MAP3K20: variants seen among roughly 807,000 people sequenced by gnomAD.
MAP3K20 encodes mitogen-activated protein kinase kinase kinase 20.
In MAP3K20, 40 loss-of-function variants were observed where a neutral mutation model predicts 85.7. The ratio of observed to expected loss-of-function variants is 0.47; its 90% CI spans 0.36 to 0.61. MAP3K20 has a LOEUF of 0.61. Ranked by LOEUF, MAP3K20 falls within the 20% of genes least tolerant of loss-of-function variation. MAP3K20 has a pLI of 0.00. For synonymous variants in MAP3K20, 325 were observed against 327.7 expected (o/e 0.99, Z 0.09); for missense variants, 817 against 961.7 (o/e 0.85, Z 1.99).
chr2:173,102,987 AGGTTGCAGTGAGC>A (rs138310775), intron 2 of MAP3K20, among the ~76,000 whole-genome samples: 3,416 of 152,222 alleles, frequency 0.022, 59 homozygotes, highest in Middle Eastern at 0.037. Flanking sequence ...CAGGAATTAG[AGGTTGCAGTGAGC>A]CGAGATCGCA....
At chr2:173,157,901 C>T (rs980234109) in intron 2 of MAP3K20, among the ~76,000 whole-genome samples, 7 of 152,280 alleles carry the variant, frequency 4.6e-5, no homozygotes, top group African/African-American at 1.2e-4. Flanking sequence ...TTGTTTCTCA[C>T]GCTTCTGTGA....
chr2:173,105,529 A>G (rs193000672), intron 2 of MAP3K20, among the ~76,000 whole-genome samples: 2 of 152,366 alleles, frequency 1.3e-5, no homozygotes, highest in African/African-American at 4.8e-5. Flanking sequence ...GAAGCAACCT[A>G]AATGTCCATC....
At chr2:173,145,487 G>T (rs912359962) in intron 2 of MAP3K20, among the ~76,000 whole-genome samples, 2 of 152,130 alleles carry the variant, frequency 1.3e-5, no homozygotes, top group African/African-American at 4.8e-5. Flanking sequence ...CTCACAAAAA[G>T]TTATATGAAT....
At chr2:173,205,750 GAAT>G (rs1559278102) in intron 9 of MAP3K20, among the ~76,000 whole-genome samples, 1 of 152,002 alleles carries the variant, frequency 6.6e-6, no homozygotes, top group Non-Finnish European at 1.5e-5. Flanking sequence ...TTTTACTAAA[GAAT>G]AATCTTTTTA....
At chr2:173,235,623 G>A (rs529660165) in intron 14 of MAP3K20, among the ~76,000 whole-genome samples, 4 of 152,300 alleles carry the variant, frequency 2.6e-5, no homozygotes, top group Admixed American at 2.0e-4. Context: ...GCCCCCTTTG[G>A]GGGTGATGAA....
intron 16 of MAP3K20, among the ~76,000 whole-genome samples, chr2:173,241,671 A>G (rs889531341): frequency 1.3e-5 from 2 of 152,176 alleles, no homozygotes; most frequent in Non-Finnish European, 2.9e-5. Flanking sequence ...TGTATACCCA[A>G]AAACATTAAA....
At chr2:173,233,008 G>C (rs1684559218) in intron 14 of MAP3K20, among the ~76,000 whole-genome samples, 1 of 152,154 alleles carries the variant, frequency 6.6e-6, no homozygotes, top group Non-Finnish European at 1.5e-5. Context: ...GACTCACAGG[G>C]AGATAACCTG....
chr2:173,245,979 G>A (rs1684903845), intron 16 of MAP3K20, among the ~76,000 whole-genome samples: 2 of 152,202 alleles, frequency 1.3e-5, no homozygotes. Flanking sequence ...CAACCTGGAA[G>A]TTACGACAAT....
At chr2:173,144,476 A>G (rs1408876783) in intron 2 of MAP3K20, among the ~76,000 whole-genome samples, 5 of 109,726 alleles carry the variant, frequency 4.6e-5, no homozygotes, top group Admixed American at 2.5e-4. Flanking sequence ...AAAAAAAAAA[A>G]AAAAAAAAAG....
In MAP3K20 at chr2:173,093,318, T is replaced by G. The variant is rs771768174; in HGVS notation, c.159+2128T>G. Among the ~76,000 whole-genome samples, 134 of 152,234 alleles carry G rather than the reference T, an allele frequency of 8.8e-4. 3 individuals are homozygous for G. Among genetic ancestry groups the G allele is most frequent in the Non-Finnish European group, 3.1e-4 (21 of 68,040 alleles). On this transcript the variant is annotated intron_variant, in intron 2 of 19. Coordinates refer to ENST00000375213, the MANE Select transcript of MAP3K20 (RefSeq NM_016653.3). ...TTGGTTGTTTTTTGCCAATGAGTTT[T>G]AGAAGCAATGGAACACTTAATAAAA...
chr2:173,168,482 G>C (rs1689903383), intron 2 of MAP3K20, among the ~76,000 whole-genome samples: 1 of 152,082 alleles, frequency 6.6e-6, no homozygotes, highest in African/African-American at 2.4e-5. Context: ...CAGTTTCGCA[G>C]CTGTTTTTAA....
chr2:173,124,777 A>G lies in MAP3K20; in HGVS notation c.159+33587A>G, dbSNP rs1309459683. Among the ~76,000 whole-genome samples, 6 of 152,194 alleles carry G rather than the reference A, an allele frequency of 3.9e-5. No individual in the cohort carries two copies. The South Asian group carries it at 8.3e-4, about 21-fold the overall frequency. The stretch of plus-strand genomic sequence containing the variant: ...GAAAAAGCAGCAACAAACAAGAAAG[A>G]TGCTCCTTCCTCTGCTACGACCCTT... On this transcript the variant is annotated intron_variant, in intron 2 of 19. Transcript: ENST00000375213.
intron 5 of MAP3K20, among the ~76,000 whole-genome samples, chr2:173,188,709 C>CT (rs1430474858): frequency 6.6e-6 from 1 of 152,110 alleles, no homozygotes; most frequent in African/African-American, 2.4e-5. Flanking sequence ...TTAACCCTGT[C>CT]TGATTGTCCT....
chr2:173,236,498 G>A (rs966524915), intron 14 of MAP3K20, among the ~76,000 whole-genome samples: 5 of 152,042 alleles, frequency 3.3e-5, no homozygotes, highest in African/African-American at 1.2e-4. Flanking sequence ...ATCTGTTGGG[G>A]GACCTAACAC....
At chr2:173,225,207 T>G (rs999881004) in intron 11 of MAP3K20, 6 of 946,756 alleles carry the variant, frequency 6.3e-6, no homozygotes, top group Non-Finnish European at 7.5e-6. Context: ...GGGCACATTT[T>G]TGGTTGTCAC....
chr2:173,110,372 G>C (rs1687935325), intron 2 of MAP3K20, among the ~76,000 whole-genome samples: 1 of 143,892 alleles, frequency 6.9e-6, no homozygotes, highest in African/African-American at 2.6e-5. Context: ...TTCCACCTTA[G>C]CTTCCTGAGT....
intron 16 of MAP3K20, among the ~76,000 whole-genome samples, chr2:173,256,024 A>G (rs906049277): frequency 6.6e-6 from 1 of 152,226 alleles, no homozygotes; most frequent in Non-Finnish European, 1.5e-5. Flanking sequence ...CCAGGTTTTC[A>G]TTTTATTGAA....
intron 2 of MAP3K20, among the ~76,000 whole-genome samples, chr2:173,134,395 T>C (rs751360018): frequency 0.023 from 226 of 9,664 alleles, 3 homozygotes; most frequent in Middle Eastern, 0.1. Flanking sequence ...TCTCTATACA[T>C]ATATATATAT....
At chr2:173,201,779 T>TTAAAG (rs1203439374) in intron 8 of MAP3K20, among the ~76,000 whole-genome samples, 12 of 152,346 alleles carry the variant, frequency 7.9e-5, no homozygotes, top group African/African-American at 2.6e-4. Context: ...GAATTCTATT[T>TTAAAG]TAAAGTACTT....
Sources: gnomAD v4.1 joint callset for allele counts (sites outside exome capture counted in the v4.1 genomes callset) on GRCh38, gnomAD v4.1.1 for gene constraint, MANE v1.5 for transcripts, NCBI Gene and HGNC (gene_info 2026-07-23, HGNC 2026-07-21) for gene names.